The following SBF2 variants were observed in gnomAD, a reference collection of about 807,000 sequenced individuals.
SBF2 encodes the protein SET binding factor 2, also known as myotubularin-related protein 13.
Under a neutral mutation model 225.2 loss-of-function variants are expected in SBF2, and 112 were observed. The observed-to-expected ratio is 0.50, with a 90% CI of 0.43 to 0.58. SBF2 has a LOEUF of 0.58. SBF2 is among the 20% of genes least tolerant of loss of function. The pLI, the probability that SBF2 is intolerant of heterozygous loss-of-function variation, is 0.00. For missense variants in SBF2, 1,996 were observed against 2,206.2 expected (o/e 0.90, Z 1.91); for synonymous variants, 763 against 773.3 (o/e 0.99, Z 0.22).
chr11:10,133,164 T>C (rs1954158214), intron 2 of SBF2, among the ~76,000 whole-genome samples: 1 of 149,360 alleles, frequency 6.7e-6, no homozygotes, highest in Non-Finnish European at 1.5e-5. Flanking sequence ...AGGGTGCTGA[T>C]TGGTGTATTT....
At chr11:9,815,783 T>C (rs1430770069) in intron 29 of SBF2, among the ~76,000 whole-genome samples, 1 of 152,216 alleles carries the variant, frequency 6.6e-6, no homozygotes, top group East Asian at 1.9e-4. Context: ...AATTATCTAC[T>C]GTATCAGAAG....
chr11:10,173,357 G>A (rs1044377548), intron 2 of SBF2, among the ~76,000 whole-genome samples: 1 of 152,214 alleles, frequency 6.6e-6, no homozygotes, highest in Non-Finnish European at 1.5e-5. Flanking sequence ...GGAAGCGCAA[G>A]GGGTCAGGGA....
chr11:9,848,142 C>T (rs1301695108), intron 22 of SBF2, among the ~76,000 whole-genome samples: 1 of 152,086 alleles, frequency 6.6e-6, no homozygotes, highest in Non-Finnish European at 1.5e-5. Context: ...ACAGCTCATA[C>T]ATTTCTTCAT....
At chr11:9,819,813 G>A (rs906377202) in intron 28 of SBF2, among the ~76,000 whole-genome samples, 1 of 152,114 alleles carries the variant, frequency 6.6e-6, no homozygotes, top group African/African-American at 2.4e-5. Context: ...ATAACTAAGG[G>A]CATGTTTTTG....
At chr11:10,160,453 G>A (rs1261956242) in intron 2 of SBF2, among the ~76,000 whole-genome samples, 1 of 151,998 alleles carries the variant, frequency 6.6e-6, no homozygotes, top group Non-Finnish European at 1.5e-5. Context: ...GAGGCAAAGA[G>A]AGGAAAAAAG....
At chr11:9,834,001 T>G (rs1333167556) in intron 26 of SBF2, among the ~76,000 whole-genome samples, 1 of 147,302 alleles carries the variant, frequency 6.8e-6, no homozygotes, top group Admixed American at 6.7e-5. Flanking sequence ...ACTCTCAACC[T>G]CAGGTGATCC....
chr11:10,257,281 A>T (rs1184154285), intron 1 of SBF2, among the ~76,000 whole-genome samples: 1 of 152,176 alleles, frequency 6.6e-6, no homozygotes, highest in African/African-American at 2.4e-5. Flanking sequence ...CCCACAAAAA[A>T]ATCTTCCAAT....
At chr11:10,073,812 T>C (rs1440608025) in intron 2 of SBF2, among the ~76,000 whole-genome samples, 1 of 152,120 alleles carries the variant, frequency 6.6e-6, no homozygotes, top group South Asian at 2.1e-4. Context: ...AAACCAACTG[T>C]GAAAAGATAG....
At chr11:10,153,120 T>C (rs369573479) in intron 2 of SBF2, among the ~76,000 whole-genome samples, 1 of 152,134 alleles carries the variant, frequency 6.6e-6, no homozygotes, top group Non-Finnish European at 1.5e-5. Flanking sequence ...TGGAGTAAGG[T>C]AAAAGTGACA....
chr11:9,993,158 T>C, intron 10 of SBF2, 55 bp from the exon 11 acceptor site: 1 of 1,330,390 alleles, frequency 7.5e-7, no homozygotes, highest in Non-Finnish European at 1.1e-6. Context: ...ACAAATGAAA[T>C]ATCAAGTCAA....
intron 6 of SBF2, among the ~76,000 whole-genome samples, chr11:10,004,588 A>AAAAAC (rs1948111134): frequency 6.7e-6 from 1 of 148,778 alleles, no homozygotes; most frequent in East Asian, 2.0e-4. Flanking sequence ...AAAAAAAAAA[A>AAAAAC]AAAAAAACAA....
chr11:9,939,426 C>G (rs1435098596), intron 16 of SBF2, among the ~76,000 whole-genome samples: 1 of 152,116 alleles, frequency 6.6e-6, no homozygotes, highest in Non-Finnish European at 1.5e-5. Flanking sequence ...TGCTCAAATT[C>G]AATTAATACT....
chr11:10,293,196 A>G (rs1289636907), intron 1 of SBF2, among the ~76,000 whole-genome samples: 1 of 133,602 alleles, frequency 7.5e-6, no homozygotes, highest in East Asian at 2.0e-4. Flanking sequence ...GAATACAAAT[A>G]CAGAAATAAA....
upstream of SBF2, among the ~76,000 whole-genome samples, chr11:10,299,188 A>T (rs892178432): frequency 1.1e-4 from 17 of 152,018 alleles, no homozygotes; most frequent in Non-Finnish European, 1.8e-4. Flanking sequence ...AATACAAAAA[A>T]TTAGCCAGGA....
intron 2 of SBF2, among the ~76,000 whole-genome samples, chr11:10,046,666 A>G (rs146780444): frequency 6.6e-6 from 1 of 152,092 alleles, no homozygotes; most frequent in East Asian, 1.9e-4. Context: ...GGCTAGTACC[A>G]TACTTAATGC....
chr11:10,175,856 T>C (rs1376773853), intron 2 of SBF2, among the ~76,000 whole-genome samples: 1 of 151,634 alleles, frequency 6.6e-6, no homozygotes, highest in Non-Finnish European at 1.5e-5. Context: ...GGATTAAGAA[T>C]CTCACTCAAA....
At chr11:9,982,847 C>A (rs1046385741) in intron 13 of SBF2, among the ~76,000 whole-genome samples, 3 of 152,146 alleles carry the variant, frequency 2.0e-5, no homozygotes, top group Non-Finnish European at 4.4e-5. Context: ...GAGAAGTTTC[C>A]GACTTTACCT....
chr11:9,828,437 A>C (rs1462611071), intron 28 of SBF2: 1 of 985,414 alleles, frequency 1.0e-6, no homozygotes, highest in South Asian at 4.7e-5. Context: ...TGGCAAGTGC[A>C]ATCAGAGAAT....
chr11:9,780,473 C>T lies in SBF2; in HGVS notation c.5495G>A (p.Gly1832Glu), dbSNP rs753527830. Residue 1832 changes from glycine to glutamate, a missense_variant, in exon 40 of 40, where the codon GGA becomes GAA. By Grantham distance (98) the Gly-to-Glu change is moderately conservative. Coordinates refer to ENST00000256190, the MANE Select transcript of SBF2 (RefSeq NM_030962.4). ...GTCCATCCATTGCTGGGCACTCTGT[C>T]CATCCTGGGCGCAGAAGTTATACAC... ...KRVYNFCAQD[G>E]QSAQQWMDKI... 1 of 1,613,990 alleles carries T rather than the reference C, an allele frequency of 6.2e-7. No homozygotes were observed. Among genetic ancestry groups the T allele is most frequent in the African/African-American group, 1.3e-5 (1 of 74,894 alleles).
Sources: gnomAD v4.1 joint callset for allele counts (sites outside exome capture counted in the v4.1 genomes callset) on GRCh38, gnomAD v4.1.1 for gene constraint, MANE v1.5 for transcripts, NCBI Gene and HGNC (gene_info 2026-07-23, HGNC 2026-07-21) for gene names.